Variants in PARN observed in about 807,000 individuals in gnomAD.
The protein encoded by PARN is poly(A)-specific ribonuclease, also known as poly(A)-specific ribonuclease PARN.
Under a neutral mutation model 102.8 loss-of-function variants are expected in PARN, and 71 were observed. That is an observed-to-expected ratio of 0.69 (90% confidence interval 0.57 to 0.84). PARN has a LOEUF of 0.84. Ranked by LOEUF, PARN falls within the 40% of genes least tolerant of loss-of-function variation. The pLI is 0.00. For missense variants in PARN, 782 were observed against 760.9 expected (o/e 1.03, Z -0.33); for synonymous variants, 261 against 252.9 (o/e 1.03, Z -0.30).
In PARN at chr16:14,470,592, G is replaced by A. The variant is rs951173808; in HGVS notation, c.1670+12046C>T. Among the ~76,000 whole-genome samples, 19 of 151,592 alleles carry A rather than the reference G, an allele frequency of 1.3e-4. No individual in the cohort carries two copies. In the South Asian group the frequency reaches 1.7e-3, roughly 13 times the overall value. On this transcript the variant is annotated intron_variant, in intron 22 of 23. Transcript: ENST00000437198. ...CCCACCTCAGCCTCCCGCCACAGCT[G>A]GGACTACAGGGGCACACCAACACAC...
chr16:14,589,557 ACT>A (rs1301908300), intron 13 of PARN, among the ~76,000 whole-genome samples: 3 of 144,752 alleles, frequency 2.1e-5, no homozygotes, highest in African/African-American at 7.7e-5. Context: ...AGAGTGAGAC[ACT>A]CTCTCAAAAA....
intron 9 of PARN, among the ~76,000 whole-genome samples, chr16:14,607,722 C>T (rs1461039470): frequency 6.6e-6 from 1 of 152,118 alleles, no homozygotes; most frequent in Non-Finnish European, 1.5e-5. Flanking sequence ...TCCCAGTATA[C>T]ATGTCACTGG....
chr16:14,621,918 A>G (rs1397685821), intron 5 of PARN, among the ~76,000 whole-genome samples: 3 of 151,846 alleles, frequency 2.0e-5, no homozygotes, highest in Non-Finnish European at 2.9e-5. Context: ...TGAGGCTGGG[A>G]GCAGTGTCTC....
chr16:14,623,505 C>G (rs576475787), intron 5 of PARN, among the ~76,000 whole-genome samples: 1 of 150,756 alleles, frequency 6.6e-6, no homozygotes, highest in South Asian at 2.1e-4. Flanking sequence ...AGAGCAAAAC[C>G]CCATCTCAAA....
chr16:14,628,479 A>G (rs539041167), intron 2 of PARN, among the ~76,000 whole-genome samples: 1 of 152,370 alleles, frequency 6.6e-6, no homozygotes, highest in South Asian at 2.1e-4. Context: ...AGGCAGTTCC[A>G]GCGTCTAAAA....
At chr16:14,501,939 C>A (rs180696491) in intron 21 of PARN, among the ~76,000 whole-genome samples, 2 of 152,346 alleles carry the variant, frequency 1.3e-5, no homozygotes, top group Non-Finnish European at 2.9e-5. Flanking sequence ...ACCTTGCACT[C>A]AGCTCTCTAG....
chr16:14,534,344 A>C (rs1966516988), intron 21 of PARN, among the ~76,000 whole-genome samples: 1 of 152,212 alleles, frequency 6.6e-6, no homozygotes, highest in Admixed American at 6.5e-5. Context: ...TAAAGAACAC[A>C]GGGCATATAA....
At chr16:14,538,219 C>CTT (rs34012270) in intron 21 of PARN, among the ~76,000 whole-genome samples, 35 of 131,832 alleles carry the variant, frequency 2.7e-4, no homozygotes, top group East Asian at 4.4e-4. Context: ...ATATTTTTCA[C>CTT]TTTTTTTTTT....
At chr16:14,590,123 C>T (rs1353435015) in intron 13 of PARN, among the ~76,000 whole-genome samples, 2 of 147,892 alleles carry the variant, frequency 1.4e-5, no homozygotes, top group African/African-American at 5.0e-5. Context: ...TGGTGGCGGG[C>T]GCCTGTAATC....
rs755752168 is a variant in PARN, at chr16:14,606,614, TTAAG to T, written c.660-92_660-89del. The T allele has an allele frequency of 2.9e-3, 1,822 of 635,572 alleles. 6 individuals are homozygous for T. Among genetic ancestry groups the T allele is most frequent in the Non-Finnish European group, 3.5e-3 (1,258 of 361,984 alleles). The allele number at this position is 635,572 out of a possible 1,614,324, so 39.4% of individuals were successfully genotyped here. ...TTATAAGCAACTATCCAGCTACTAA[TTAAG>T]TAAGTTTTATTAACTACAAAATAAT... On this transcript the variant is annotated intron_variant, in intron 9 of 23. Coordinates refer to ENST00000437198, the MANE Select transcript of PARN (RefSeq NM_002582.4).
At chr16:14,597,643 G>A (rs758446702) in intron 12 of PARN, among the ~76,000 whole-genome samples, 8 of 151,358 alleles carry the variant, frequency 5.3e-5, no homozygotes, top group African/African-American at 9.7e-5. Flanking sequence ...CTTGCAGTAC[G>A]CCAAGATCGC....
intron 18 of PARN, among the ~76,000 whole-genome samples, chr16:14,556,094 C>G (rs952758092): frequency 6.6e-6 from 1 of 151,840 alleles, no homozygotes; most frequent in African/African-American, 2.4e-5. Context: ...CTCTGCCTCC[C>G]AAAGTGCTGG....
At chr16:14,457,552 C>T (rs778944939) in intron 22 of PARN, among the ~76,000 whole-genome samples, 1 of 152,040 alleles carries the variant, frequency 6.6e-6, no homozygotes, top group African/African-American at 2.4e-5. Context: ...GTAATCCCTG[C>T]ACTTTGGGAG....
intron 21 of PARN, among the ~76,000 whole-genome samples, chr16:14,534,674 TTTACATAGGAGGAG>T (rs1966533397): frequency 6.6e-6 from 1 of 152,186 alleles, no homozygotes; most frequent in African/African-American, 2.4e-5. Flanking sequence ...TCTGTGTTCC[TTTACATAGGAGGAG>T]TAGCAGCTGC....
At position 14,627,282 on chromosome 16, in the gene PARN, A is replaced by C; in HGVS notation, c.232T>G (p.Tyr78Asp). The C allele has an allele frequency of 6.3e-7, 1 of 1,594,066 alleles. No individual in the cohort carries two copies. The highest frequency in any genetic ancestry group is 8.6e-7 in the Non-Finnish European group (1 of 1,169,288). Residue 78 changes from tyrosine to aspartate, a missense_variant, in exon 4 of 24, where the codon TAC (tyrosine) becomes GAC (aspartate). By Grantham distance (160) the Tyr-to-Asp change is radical. Coordinates refer to ENST00000437198, the MANE Select transcript of PARN (RefSeq NM_002582.4). ...AACACAACCTACTTTGAATCTGTGT[A>C]GTCATACTTAAAAGTGCAAAGGCCA... Reference protein sequence around the residue: ...QFGLCTFKYDYTDSKYITKSF... With the variant: ...QFGLCTFKYDDTDSKYITKSF...
chr16:14,601,090 T>C (rs994725776), intron 11 of PARN, among the ~76,000 whole-genome samples: 23 of 152,166 alleles, frequency 1.5e-4, no homozygotes, highest in Admixed American at 1.2e-3. Flanking sequence ...AGAATTCCCA[T>C]ATTACCCAGC....
intron 21 of PARN, among the ~76,000 whole-genome samples, chr16:14,525,417 A>G (rs1965945372): frequency 6.6e-6 from 1 of 152,184 alleles, no homozygotes. Flanking sequence ...ATGGCAAGGC[A>G]GGGAACCCAA....
At chr16:14,520,659 A>T (rs188380371) in intron 21 of PARN, among the ~76,000 whole-genome samples, 27 of 151,840 alleles carry the variant, frequency 1.8e-4, no homozygotes, top group South Asian at 6.3e-4. Context: ...AGATCGCACC[A>T]CTGCACTCCA....
At chr16:14,451,774 CA>C (rs1434061897) in intron 22 of PARN, among the ~76,000 whole-genome samples, 1 of 135,256 alleles carries the variant, frequency 7.4e-6, no homozygotes, top group East Asian at 2.2e-4. Flanking sequence ...TTAGGGAGGC[CA>C]AGGCAGGAGG....
Sources: allele counts gnomAD v4.1 joint callset (sites outside exome capture counted in the v4.1 genomes callset), GRCh38; gene constraint gnomAD v4.1.1; transcripts MANE v1.5; gene names NCBI Gene and HGNC (gene_info 2026-07-23, HGNC 2026-07-21).